The following CYP4F2 variants were observed in gnomAD, a reference collection of about 807,000 sequenced individuals.
CYP4F2 encodes cytochrome P450 family 4 subfamily F member 2, also known as cytochrome P450 4F2.
A neutral mutation model predicts 58.9 loss-of-function variants in CYP4F2; 58 were observed. The ratio of observed to expected loss-of-function variants is 0.98; its 90% CI spans 0.80 to 1.23. The LOEUF is 1.23. Among genes scored for constraint, CYP4F2 ranks in the 50% most tolerant of loss-of-function variants. CYP4F2 has a pLI of 0.00. For missense variants in CYP4F2, 616 were observed against 685.6 expected, an observed-to-expected ratio of 0.90 and a Z score of 1.13; for synonymous variants, 287 against 261.1, an observed-to-expected ratio of 1.10 and a Z score of -0.95.
At chr19:15,886,430 A>C in intron 7 of CYP4F2, 122 bp from the exon 8 acceptor site, 1 of 1,344,460 alleles carries the variant, frequency 7.4e-7, no homozygotes, top group Non-Finnish European at 1.0e-6. Flanking sequence ...CAGAAATCCA[A>C]GTCCATCTTG....
chr19:15,880,971 C>T (rs1434766483), intron 9 of CYP4F2, among the ~76,000 whole-genome samples: 1 of 152,206 alleles, frequency 6.6e-6, no homozygotes, highest in Non-Finnish European at 1.5e-5. Context: ...GGAATTTGTC[C>T]TGCAGAGATG....
In CYP4F2 at chr19:15,892,425, G is replaced by A. The variant is rs766924159; in HGVS notation, c.409C>T (p.Leu137=). Residue 137 remains leucine (L), a synonymous_variant, in exon 5 of 13, where the codon CTG becomes TTG. Coordinates refer to ENST00000221700, the MANE Select transcript of CYP4F2 (RefSeq NM_001082.5). ...FLEPWLGDGL[L]LSAGDKWSRH... Reference sequence around the variant, plus strand: ...CTCCACTTGTCACCAGCACTCAGCAGGAGCCCATCCCCTAGCAGGGCAGCC... The same window carrying A: ...CTCCACTTGTCACCAGCACTCAGCAAGAGCCCATCCCCTAGCAGGGCAGCC... The A allele has an allele frequency of 6.2e-7, 1 of 1,614,208 alleles. No homozygotes were observed. The highest frequency in any genetic ancestry group is 8.5e-7 in the Non-Finnish European group (1 of 1,180,038).
At position 15,897,533 on chromosome 19, in the gene CYP4F2, C is replaced by G; in HGVS notation, c.79G>C (p.Ala27Pro). The G allele has an allele frequency of 6.2e-7, 1 of 1,613,994 alleles. No individual in the cohort carries two copies. The highest frequency in any genetic ancestry group is 8.5e-7 in the Non-Finnish European group (1 of 1,179,972). Reference sequence around the variant, plus strand: ...AGGACATGGGCCAGGAGCCAGGAGGCCCCGACCAGCAGGAGGAGCAGCCAA... The same window carrying G: ...AGGACATGGGCCAGGAGCCAGGAGGGCCCGACCAGCAGGAGGAGCAGCCAA... ...SPWLLLLLVGASWLLAHVLAW... is the reference protein window; with the variant it reads ...SPWLLLLLVGPSWLLAHVLAW... Residue 27 changes from alanine to proline, a missense_variant, in exon 2 of 13, where the codon GCC becomes CCC. Physicochemically the swap from Ala to Pro is conservative, Grantham distance 27. Transcript: ENST00000221700.
At position 15,889,520 on chromosome 19, in the gene CYP4F2, C is replaced by G; in HGVS notation, c.821G>C (p.Arg274Pro). 1 of 1,614,164 alleles carries G rather than the reference C, an allele frequency of 6.2e-7. No individual in the cohort carries two copies. Reference protein sequence around the residue: ...HDFTDAVIQERRRTLPSQGVD... With the variant: ...HDFTDAVIQEPRRTLPSQGVD... Reference sequence around the variant, plus strand: ...ACCCTGGCTAGGGAGAGTGCGGCGCCGCTCCTGGATGACGGCATCTGTGAA... The same window carrying G: ...ACCCTGGCTAGGGAGAGTGCGGCGCGGCTCCTGGATGACGGCATCTGTGAA... The change falls in exon 7 of 13, where the codon CGG (arginine) becomes CCG (proline). Residue 274 changes from arginine to proline, a missense_variant. Coordinates refer to ENST00000221700, the MANE Select transcript of CYP4F2 (RefSeq NM_001082.5).
intron 7 of CYP4F2, chr19:15,886,546 C>G: frequency 2.2e-6 from 1 of 460,796 alleles, no homozygotes. Flanking sequence ...GACTCAATGA[C>G]CCATGAATAT....
rs1265107116 is a variant in CYP4F2, at chr19:15,895,611, G to A, written c.238C>T (p.Leu80=). 6.3e-7 allele frequency: 1 copy of A among 1,595,600 alleles called. No homozygotes were observed. The highest frequency in any genetic ancestry group is 1.1e-5 in the South Asian group (1 of 87,998). Residue 80 remains leucine (L), a synonymous_variant, in exon 3 of 13, where the codon CTG becomes TTG. Transcript: ENST00000221700. ...AAGCCCTGGGGGTAGGTGGCCACCA[G>A]CTGAGTCAGAACTCTCATGCCCTCC... The part of the protein sequence containing the change: ...TEEGMRVLTQ[L]VATYPQGFKV...
At chr19:15,887,269 T>C (rs565840625) in intron 7 of CYP4F2, among the ~76,000 whole-genome samples, 3 of 149,656 alleles carry the variant, frequency 2.0e-5, no homozygotes, top group Non-Finnish European at 4.4e-5. Context: ...GACACAGATA[T>C]AGACACAGGC....
intron 9 of CYP4F2, among the ~76,000 whole-genome samples, chr19:15,882,017 G>A (rs151117293): frequency 6.3e-4 from 96 of 152,128 alleles, no homozygotes; most frequent in African/African-American, 2.0e-3. Context: ...GGCCAAGGGC[G>A]GCAGATCACA....
At chr19:15,888,009 T>C (rs1217880637) in intron 7 of CYP4F2, among the ~76,000 whole-genome samples, 1 of 100,678 alleles carries the variant, frequency 9.9e-6, no homozygotes. Flanking sequence ...CACGTAAACA[T>C]AGACATAGAC....
chr19:15,897,831 A>AAGAG (rs111923232), intron 1 of CYP4F2, 195 bp downstream of exon 1: 78,519 of 531,350 alleles, frequency 0.15, 6,005 homozygotes, highest in African/African-American at 0.29. Context: ...TAGAATGGGA[A>AAGAG]AGAGAGAGAG....
intron 7 of CYP4F2, among the ~76,000 whole-genome samples, chr19:15,888,349 GAC>G (rs923678768): frequency 4.0e-5 from 6 of 151,108 alleles, no homozygotes; most frequent in Non-Finnish European, 5.9e-5. Context: ...CATAGACATA[GAC>G]ACAGACACAC....
In CYP4F2 at chr19:15,889,474, G is replaced by A; in HGVS notation, c.867C>T (p.Ala289=). 6.2e-7 allele frequency: 1 copy of A among 1,614,176 alleles called. No individual in the cohort carries two copies. Among genetic ancestry groups the A allele is most frequent in the East Asian group, 2.2e-5 (1 of 44,868 alleles). The change falls in exon 7 of 13, where the codon GCC becomes GCT. Residue 289 remains alanine (A), a synonymous_variant. Coordinates refer to ENST00000221700, the MANE Select transcript of CYP4F2 (RefSeq NM_001082.5). ...AGTCCAAAGTCTTGGATTTGGCCTTGGCTTGGAGGAAGTCATCAACACCCT... is the reference window on the plus strand; with the variant it reads ...AGTCCAAAGTCTTGGATTTGGCCTTAGCTTGGAGGAAGTCATCAACACCCT... ...PSQGVDDFLQ[A]KAKSKTLDFI...
intron 2 of CYP4F2, 67 bp from the exon 3 acceptor site, chr19:15,895,717 A>G (rs2089443735): frequency 1.3e-6 from 2 of 1,536,256 alleles, no homozygotes; most frequent in Admixed American, 2.3e-5. Flanking sequence ...TGACTGGGCT[A>G]AGGGATGCCC....
chr19:15,885,682 G>T (rs1050302652), intron 9 of CYP4F2, among the ~76,000 whole-genome samples: 1 of 152,010 alleles, frequency 6.6e-6, no homozygotes, highest in Non-Finnish European at 1.5e-5. Flanking sequence ...TCTAAGTGGC[G>T]TTATCTGTCC....
rs144455532 is a variant in CYP4F2 at position 15,895,560 on chromosome 19, G to A, written c.289C>T (p.Pro97Ser). 2 of 1,558,634 alleles carry A rather than the reference G, an allele frequency of 1.3e-6. No individual in the cohort carries two copies. Among genetic ancestry groups the A allele is most frequent in the Admixed American group, 2.2e-5 (1 of 46,384 alleles). Residue 97 changes from proline (P) to serine (S), a missense_variant, in exon 3 of 13, where the codon CCC becomes TCC. Transcript: ENST00000221700. ...GFKVWMGPIS[P>S]LLSLCHPDII... ...TCGGGGTGGCACAAACTGAGGAGGG[G>A]GGAGATGGGTCCCATCCAGACCTTA...
intron 3 of CYP4F2, chr19:15,893,708 G>T: frequency 5.1e-6 from 1 of 196,010 alleles, no homozygotes; most frequent in East Asian, 1.3e-4. Context: ...CCCCAGCTGT[G>T]GGCAAAGCTT....
chr19:15,889,179 G>A (rs1382443234), intron 7 of CYP4F2, among the ~76,000 whole-genome samples: 1 of 152,136 alleles, frequency 6.6e-6, no homozygotes, highest in Non-Finnish European at 1.5e-5. Flanking sequence ...AGTTAAATGT[G>A]GACAATTAAC....
At chr19:15,887,441 C>T (rs2089386962) in intron 7 of CYP4F2, among the ~76,000 whole-genome samples, 1 of 151,656 alleles carries the variant, frequency 6.6e-6, no homozygotes, top group African/African-American at 2.4e-5. Flanking sequence ...CACACACACA[C>T]ATAGACAAAG....
At chr19:15,879,238 A>G (rs3093198) in intron 12 of CYP4F2, 108 bp downstream of exon 12, 1,019,723 of 1,438,494 alleles carry the variant, frequency 0.71, 367,354 homozygotes, top group East Asian at 0.99. Context: ...GGTGAGGGAA[A>G]GAGAGCTGGA....
Sources: gnomAD v4.1 joint callset for allele counts (sites outside exome capture counted in the v4.1 genomes callset) on GRCh38, gnomAD v4.1.1 for gene constraint, MANE v1.5 for transcripts, NCBI Gene and HGNC (gene_info 2026-07-23, HGNC 2026-07-21) for gene names.